LRRC9: variants seen among roughly 807,000 people sequenced by gnomAD.
The protein encoded by LRRC9 is leucine-rich repeat-containing protein 9.
Under a neutral mutation model 63.2 loss-of-function variants are expected in LRRC9, and 122 were observed. The ratio of observed to expected loss-of-function variants is 1.93; its 90% CI spans 1.67 to 2.24. The LOEUF is 2.24. Ranked by LOEUF, LRRC9 falls within the 30% of genes most tolerant of loss-of-function variation. LRRC9 has a pLI of 0.00. For missense variants in LRRC9, 1,071 were observed against 627.7 expected (o/e 1.71, Z -7.55); for synonymous variants, 366 against 213.1 (o/e 1.72, Z -6.25).
chr14:59,976,035 G>T (rs988758429), intron 13 of LRRC9, among the ~76,000 whole-genome samples: 13 of 152,182 alleles, frequency 8.5e-5, no homozygotes, highest in African/African-American at 2.9e-4. Flanking sequence ...TTCTTATAGG[G>T]GCGCGAACCC....
At chr14:60,065,879 TC>T (rs1326784410), downstream of LRRC9, among the ~76,000 whole-genome samples, 1 of 151,726 alleles carries the variant, frequency 6.6e-6, no homozygotes, top group Non-Finnish European at 1.5e-5. Context: ...ATTAGAAGCC[TC>T]CAAAGCTGAA....
Position 60,042,377 on chromosome 14 carries a change from T to A in LRRC9, c.3990+10314T>A, listed in dbSNP as rs1193178017. On this transcript the variant is annotated intron_variant, in intron 29 of 31. Coordinates refer to ENST00000445360, the Ensembl canonical transcript of LRRC9. This position sits in a 1 kb window ranked among gnomAD's most constrained non-coding sequence, Gnocchi z 4.2. ...AGTCTACAGAGGCAGGCAGGCCTCC[T>A]TGAGCTGTGGTGGGCTCCACTGAGT... Among the ~76,000 whole-genome samples the A allele has an allele frequency of 6.6e-6, 1 of 152,226 alleles. No individual in the cohort carries two copies. The highest frequency in any genetic ancestry group is 1.9e-4 in the East Asian group (1 of 5,190).
intron 15 of LRRC9, among the ~76,000 whole-genome samples, chr14:59,978,537 T>C (rs1055527823): frequency 6.6e-6 from 1 of 152,222 alleles, no homozygotes; most frequent in Non-Finnish European, 1.5e-5. Context: ...CCATTTGACA[T>C]AGTAGAAACA....
In LRRC9 at chr14:60,042,941, C is replaced by CT. The variant is rs1311442598; in HGVS notation, c.3991-10118dup. 6.6e-6 allele frequency among the ~76,000 whole-genome samples: 1 copy of CT among 152,058 alleles called. No individual in the cohort carries two copies. Among genetic ancestry groups the CT allele is most frequent in the Non-Finnish European group, 1.5e-5 (1 of 67,990 alleles). Reference sequence around the variant, plus strand: ...AATCCATGAGCATAGAATAAATTTCCTTTTTTCTGTGTGTCTTTTTCTATT... The same window carrying CT: ...AATCCATGAGCATAGAATAAATTTCCTTTTTTTCTGTGTGTCTTTTTCTATT... On this transcript the variant is annotated intron_variant, in intron 29 of 31. Coordinates refer to ENST00000445360, the Ensembl canonical transcript of LRRC9. This position sits in a 1 kb window ranked among gnomAD's most constrained non-coding sequence, Gnocchi z 4.2.
chr14:60,061,323 C>T (rs1332445538), intron 31 of LRRC9, among the ~76,000 whole-genome samples: 1 of 152,198 alleles, frequency 6.6e-6, no homozygotes, highest in Non-Finnish European at 1.5e-5. Flanking sequence ...GCCACCCCGG[C>T]CTTCAGCAGC....
rs1890708982 is a variant in LRRC9, at chr14:60,016,650, C to T, written c.3187-10C>T. The T allele has an allele frequency of 8.7e-6, 6 of 688,386 alleles. No individual in the cohort carries two copies. The highest frequency in any genetic ancestry group is 1.3e-5 in the Non-Finnish European group (5 of 374,476). The allele number at this position is 688,386 out of a possible 1,614,324, so 42.6% of individuals were successfully genotyped here. A position where few individuals can be genotyped will look rare whatever the true frequency, so the allele number is the denominator to read the frequency against. On this transcript the variant is annotated splice_polypyrimidine_tract_variant and intron_variant, in intron 23 of 31. Transcript: ENST00000445360. ...AGACAGGACATCATTTTCTAAATATCTTCATATAGGAACCATCAGAGACTG... is the reference window on the plus strand; with the variant it reads ...AGACAGGACATCATTTTCTAAATATTTTCATATAGGAACCATCAGAGACTG...
At chr14:59,969,742 G>A (rs778319132) in intron 12 of LRRC9, among the ~76,000 whole-genome samples, 8 of 152,174 alleles carry the variant, frequency 5.3e-5, no homozygotes, top group Non-Finnish European at 1.2e-4. Flanking sequence ...GGGAGAGTAC[G>A]TAAGTAAATC....
chr14:60,062,901 T>A (rs1894744436), intron 31 of LRRC9, among the ~76,000 whole-genome samples: 1 of 151,682 alleles, frequency 6.6e-6, no homozygotes, highest in Non-Finnish European at 1.5e-5. Context: ...AGTATTTTTT[T>A]TTTTTTTGAG....
rs1459378297 is a variant in LRRC9, at chr14:59,942,361, G to A, written c.727-2228G>A. On this transcript the variant is annotated intron_variant, in intron 7 of 31. Coordinates refer to ENST00000445360, the Ensembl canonical transcript of LRRC9. This position sits in a 1 kb window ranked among gnomAD's most constrained non-coding sequence, Gnocchi z 5.3. The stretch of plus-strand genomic sequence containing the variant: ...TTCCTTTGTTTTGGATAAATACCCA[G>A]GAGTGAGATTGCTGAATCCTATGGA... Among the ~76,000 whole-genome samples, 1 of 152,142 alleles carries A rather than the reference G, an allele frequency of 6.6e-6. No individual in the cohort carries two copies. The highest frequency in any genetic ancestry group is 2.4e-5 in the African/African-American group (1 of 41,430).
intron 29 of LRRC9, among the ~76,000 whole-genome samples, chr14:60,048,955 C>T (rs148311120): frequency 1.8e-3 from 280 of 152,242 alleles, no homozygotes; most frequent in Middle Eastern, 3.4e-3. Flanking sequence ...TGGCTTCATC[C>T]CTGTGATGCA....
At chr14:59,980,989 T>C (rs1280547849) in intron 15 of LRRC9, among the ~76,000 whole-genome samples, 1 of 152,166 alleles carries the variant, frequency 6.6e-6, no homozygotes, top group East Asian at 1.9e-4. Flanking sequence ...CTTAGTTTCT[T>C]GGTTATTTCT....
intron 8 of LRRC9, among the ~76,000 whole-genome samples, chr14:59,952,052 T>C (rs1165704956): frequency 6.6e-6 from 1 of 152,056 alleles, no homozygotes; most frequent in Non-Finnish European, 1.5e-5. Flanking sequence ...CCGGCTGCTT[T>C]GTTTACCTAA....
chr14:59,934,119 G>A (rs76699701), intron 6 of LRRC9, among the ~76,000 whole-genome samples: 1,521 of 151,784 alleles, frequency 0.01, 23 homozygotes, highest in African/African-American at 0.035. Flanking sequence ...ATGAGACTAT[G>A]AATTGGAGTG....
intron 8 of LRRC9, among the ~76,000 whole-genome samples, chr14:59,945,922 A>T (rs754049209): frequency 4.6e-5 from 7 of 151,896 alleles, no homozygotes; most frequent in South Asian, 2.1e-4. Flanking sequence ...AGTATGACAC[A>T]TGACAGTACT....
chr14:59,970,384 A>G (rs530185525), intron 12 of LRRC9, among the ~76,000 whole-genome samples: 41 of 152,252 alleles, frequency 2.7e-4, no homozygotes, highest in African/African-American at 9.1e-4. Flanking sequence ...ATAGTTTGCA[A>G]TGAACCTATG....
rs1052135851 is a variant in LRRC9, at chr14:59,922,064, G to T, written c.-34+2181G>T. Among the ~76,000 whole-genome samples the T allele has an allele frequency of 6.6e-6, 1 of 151,330 alleles. No individual in the cohort carries two copies. The highest frequency in any genetic ancestry group is 2.4e-5 in the African/African-American group (1 of 41,174). On this transcript the variant is annotated intron_variant, in intron 1 of 31. Coordinates refer to ENST00000445360, the Ensembl canonical transcript of LRRC9. This position sits in a 1 kb window ranked among gnomAD's most constrained non-coding sequence, Gnocchi z 5.3. ...GTGCCACTGCAGTCAAGCCTGGGCAGCAAAGTGAGATTCTGTCTCAAAAAA... is the reference window on the plus strand; with the variant it reads ...GTGCCACTGCAGTCAAGCCTGGGCATCAAAGTGAGATTCTGTCTCAAAAAA...
intron 23 of LRRC9, among the ~76,000 whole-genome samples, chr14:60,009,793 A>G (rs1455472982): frequency 6.6e-6 from 1 of 152,164 alleles, no homozygotes; most frequent in African/African-American, 2.4e-5. Context: ...GGGTAAATAC[A>G]CCCATTCCAA....
chr14:59,988,868 A>G (rs956129267), intron 17 of LRRC9, among the ~76,000 whole-genome samples: 6 of 152,184 alleles, frequency 3.9e-5, no homozygotes, highest in South Asian at 2.1e-4. Flanking sequence ...CTGAATGTTA[A>G]TAACAGTTTA....
At chr14:59,933,701 A>G (rs1200403655) in intron 6 of LRRC9, among the ~76,000 whole-genome samples, 1 of 152,180 alleles carries the variant, frequency 6.6e-6, no homozygotes, top group African/African-American at 2.4e-5. Flanking sequence ...TTCAAGAGGA[A>G]ATATTTGATA....
Sources: allele counts gnomAD v4.1 joint callset (sites outside exome capture counted in the v4.1 genomes callset), GRCh38; gene constraint gnomAD v4.1.1; non-coding constraint Gnocchi (gnomAD v3.1); transcripts MANE v1.5; gene names NCBI Gene and HGNC (gene_info 2026-07-23, HGNC 2026-07-21).